Variants in PRKD1 observed in about 807,000 individuals in gnomAD.
PRKD1 encodes serine/threonine-protein kinase D1.
In PRKD1, 63 loss-of-function variants were observed where a neutral mutation model predicts 95.9. The ratio of observed to expected loss-of-function variants is 0.66; its 90% CI spans 0.54 to 0.81. PRKD1 has a LOEUF of 0.81. PRKD1 is among the 30% of genes least tolerant of loss of function. PRKD1 has a pLI of 0.00. For synonymous variants in PRKD1, 425 were observed against 423.1 expected, an observed-to-expected ratio of 1.00 and a Z score of -0.05; for missense variants, 1,048 against 1,165.3, an observed-to-expected ratio of 0.90 and a Z score of 1.47.
chr14:29,798,325 A>G (rs1234230231), intron 1 of PRKD1, among the ~76,000 whole-genome samples: 1 of 152,232 alleles, frequency 6.6e-6, no homozygotes, highest in Non-Finnish European at 1.5e-5. Flanking sequence ...ATACACATAC[A>G]TATTCATAAG....
intron 11 of PRKD1, 92 bp from the exon 12 acceptor site, chr14:29,626,648 C>G: frequency 1.7e-6 from 1 of 591,692 alleles, no homozygotes; most frequent in Non-Finnish European, 2.5e-6. Context: ...ATATTATAAA[C>G]TAAGTATTTT....
chr14:29,597,771 G>C lies in PRKD1; in HGVS notation c.2167-13C>G. 6.2e-7 allele frequency: 1 copy of C among 1,601,712 alleles called. No individual in the cohort carries two copies. The highest frequency in any genetic ancestry group is 8.5e-7 in the Non-Finnish European group (1 of 1,173,326). ...CACAAAGTTTCACCTGTTGATGAAA[G>C]GATTTGCAGAAATACTCCGTTCACA... On this transcript the variant is annotated splice_polypyrimidine_tract_variant and intron_variant, in intron 15 of 17. Transcript: ENST00000331968.
Position 29,663,856 on chromosome 14 carries a change from C to A in PRKD1, c.539G>T (p.Cys180Phe). The A allele has an allele frequency of 6.2e-7, 1 of 1,613,094 alleles. No homozygotes were observed. The highest frequency in any genetic ancestry group is 8.5e-7 in the Non-Finnish European group (1 of 1,179,206). ...ACATCTCTTATGGTAATTCAGACCA[C>A]ACCCTGGAAAGGGAAAATAAAAATT... is the stretch of plus-strand genomic sequence containing the variant. ...LVRQGLKCEGCGLNYHKRCAF... is the reference protein window; with the variant it reads ...LVRQGLKCEGFGLNYHKRCAF... The change falls in exon 4 of 18, where the codon TGT becomes TTT. Residue 180 changes from cysteine (C) to phenylalanine (F), a missense_variant. Transcript: ENST00000331968.
chr14:29,866,082 A>T (rs1027359946), intron 1 of PRKD1, among the ~76,000 whole-genome samples: 3 of 152,180 alleles, frequency 2.0e-5, no homozygotes, highest in African/African-American at 7.2e-5. Context: ...ATGTCAGATG[A>T]TGATGTTTAT....
intron 2 of PRKD1, among the ~76,000 whole-genome samples, chr14:29,696,467 G>A (rs1041640539): frequency 1.3e-5 from 2 of 152,028 alleles, no homozygotes; most frequent in Non-Finnish European, 2.9e-5. Context: ...TTTTCTACTA[G>A]GTTCATACTT....
chr14:29,872,870 GTT>G (rs1245406170), intron 1 of PRKD1, among the ~76,000 whole-genome samples: 6 of 152,070 alleles, frequency 3.9e-5, no homozygotes, highest in African/African-American at 1.4e-4. Context: ...CCATTTGTCA[GTT>G]TCCCTTTGAC....
At chr14:29,853,088 T>C (rs2139342268) in intron 1 of PRKD1, among the ~76,000 whole-genome samples, 1 of 152,338 alleles carries the variant, frequency 6.6e-6, no homozygotes, top group South Asian at 2.1e-4. Flanking sequence ...GAAGTAGCTA[T>C]ATTAATATCA....
chr14:29,839,094 A>G (rs1566629513), intron 1 of PRKD1, among the ~76,000 whole-genome samples: 1 of 150,756 alleles, frequency 6.6e-6, no homozygotes, highest in African/African-American at 2.4e-5. Context: ...TCAATAAACG[A>G]AAAAAAAAAT....
At chr14:29,781,265 G>A (rs1320079435) in intron 1 of PRKD1, among the ~76,000 whole-genome samples, 1 of 152,138 alleles carries the variant, frequency 6.6e-6, no homozygotes, top group Non-Finnish European at 1.5e-5. Context: ...TTATGCACAT[G>A]TACCCTAGAA....
At position 29,852,852 on chromosome 14, in the gene PRKD1, A is replaced by G. The variant is rs577672036; in HGVS notation, c.264+74397T>C. ...GAAGGCTAGAAAGCATATAAAAAAC[A>G]AACAGCAAAATGACAAAGTAAATCC... On this transcript the variant is annotated intron_variant, in intron 1 of 17. Transcript: ENST00000331968. 2.6e-4 allele frequency among the ~76,000 whole-genome samples: 39 copies of G among 152,322 alleles called. 2 individuals carry two copies. The South Asian group carries it at 7.3e-3, about 28-fold the overall frequency.
intron 1 of PRKD1, among the ~76,000 whole-genome samples, chr14:29,816,555 T>C (rs1890701540): frequency 6.6e-6 from 1 of 152,228 alleles, no homozygotes; most frequent in African/African-American, 2.4e-5. Flanking sequence ...GTTCTCATCA[T>C]ATGAAGTCCA....
intron 2 of PRKD1, among the ~76,000 whole-genome samples, chr14:29,685,734 CTGTGTGTGTG>C (rs5807548): frequency 6.7e-6 from 1 of 149,288 alleles, no homozygotes; most frequent in Non-Finnish European, 1.5e-5. Flanking sequence ...TTATCCTCAT[CTGTGTGTGTG>C]TGTGTGTGTG....
At chr14:29,665,299 G>C (rs1187178637) in intron 3 of PRKD1, among the ~76,000 whole-genome samples, 2 of 152,112 alleles carry the variant, frequency 1.3e-5, no homozygotes, top group African/African-American at 2.4e-5. Context: ...TAGTGGTAAA[G>C]TCTGGGCTTT....
At chr14:29,729,528 C>T (rs1386927179) in intron 1 of PRKD1, among the ~76,000 whole-genome samples, 1 of 151,954 alleles carries the variant, frequency 6.6e-6, no homozygotes, top group Non-Finnish European at 1.5e-5. Flanking sequence ...TCATTAATTT[C>T]TTATATCCTT....
At chr14:29,786,745 G>GT (rs1262623436) in intron 1 of PRKD1, among the ~76,000 whole-genome samples, 3 of 151,818 alleles carry the variant, frequency 2.0e-5, no homozygotes, top group Non-Finnish European at 2.9e-5. Context: ...CACGGTTAGC[G>GT]TAACTAGTGA....
intron 2 of PRKD1, among the ~76,000 whole-genome samples, chr14:29,667,048 A>G (rs1433028527): frequency 6.6e-6 from 1 of 152,146 alleles, no homozygotes; most frequent in Non-Finnish European, 1.5e-5. Context: ...AAGAAATAGA[A>G]AGGTATCGAC....
rs140174179 is a variant in PRKD1, at chr14:29,862,981, G to A, written c.264+64268C>T. Among the ~76,000 whole-genome samples, 449 of 152,090 alleles carry A rather than the reference G, an allele frequency of 3.0e-3. 1 individual carries two copies. Among genetic ancestry groups the A allele is most frequent in the African/African-American group, 0.01 (419 of 41,470 alleles). The stretch of plus-strand genomic sequence containing the variant: ...GTTTCCCCAAGCATTTTCTTTTGGC[G>A]GCTTCATAAAACAAAATTAGCTTTG... On this transcript the variant is annotated intron_variant, in intron 1 of 17. Coordinates refer to ENST00000331968, the MANE Select transcript of PRKD1 (RefSeq NM_002742.3).
chr14:29,673,518 G>A (rs529555659), intron 2 of PRKD1, among the ~76,000 whole-genome samples: 4 of 152,236 alleles, frequency 2.6e-5, no homozygotes, highest in South Asian at 2.1e-4. Flanking sequence ...TTTCCATAGC[G>A]TCCTGGACAC....
At chr14:29,754,758 G>C (rs1887622041) in intron 1 of PRKD1, among the ~76,000 whole-genome samples, 1 of 151,954 alleles carries the variant, frequency 6.6e-6, no homozygotes, top group South Asian at 2.1e-4. Context: ...AATACTTAAA[G>C]AACAAATACC....
Sources: gnomAD v4.1 joint callset for allele counts (sites outside exome capture counted in the v4.1 genomes callset) on GRCh38, gnomAD v4.1.1 for gene constraint, MANE v1.5 for transcripts, NCBI Gene and HGNC (gene_info 2026-07-23, HGNC 2026-07-21) for gene names.